Variants in RFX3 observed in about 807,000 individuals in gnomAD.
RFX3 encodes the protein transcription factor RFX3.
In RFX3, 14 loss-of-function variants were observed where a neutral mutation model predicts 98.6. That is an observed-to-expected ratio of 0.14 (90% CI 0.09 to 0.22). The LOEUF is 0.22. Ranked by LOEUF, RFX3 falls within the 10% of genes least tolerant of loss-of-function variation. RFX3 has a pLI of 1.00. For missense variants in RFX3, 639 were observed against 926.9 expected, an observed-to-expected ratio of 0.69 and a Z score of 4.03; for synonymous variants, 383 against 328.4, an observed-to-expected ratio of 1.17 and a Z score of -1.80.
intron 2 of RFX3, among the ~76,000 whole-genome samples, chr9:3,362,730 AT>A (rs1262492214): frequency 6.6e-6 from 1 of 152,210 alleles, no homozygotes; most frequent in Non-Finnish European, 1.5e-5. Flanking sequence ...CCTTGTGACC[AT>A]CTGAGAAAGG....
chr9:3,524,632 G>A, intron 1 of RFX3: 1 of 983,644 alleles, frequency 1.0e-6, no homozygotes, highest in South Asian at 4.7e-5. Context: ...AAGCTTCCTT[G>A]TGTCCCTTCC....
intron 14 of RFX3, among the ~76,000 whole-genome samples, chr9:3,252,150 G>A (rs1168707735): frequency 6.6e-6 from 1 of 152,176 alleles, no homozygotes; most frequent in African/African-American, 2.4e-5. Context: ...CAACTAAGGA[G>A]AATGTTCATA....
chr9:3,416,812 A>C (rs1843023430), intron 1 of RFX3, among the ~76,000 whole-genome samples: 1 of 152,170 alleles, frequency 6.6e-6, no homozygotes, highest in African/African-American at 2.4e-5. Context: ...AGGCAAGAAA[A>C]CAGGAAAAAG....
At chr9:3,507,648 C>G (rs1817233471) in intron 1 of RFX3, among the ~76,000 whole-genome samples, 1 of 151,920 alleles carries the variant, frequency 6.6e-6, no homozygotes, top group African/African-American at 2.4e-5. Context: ...GGGTGCCCAA[C>G]TCTCTTATAT....
At chr9:3,329,666 A>G (rs1434793380) in intron 4 of RFX3, among the ~76,000 whole-genome samples, 4 of 152,162 alleles carry the variant, frequency 2.6e-5, no homozygotes, top group African/African-American at 9.7e-5. Context: ...TATTGATTTC[A>G]ATATGTATTA....
chr9:3,301,167 C>G (rs1290102643), intron 5 of RFX3, among the ~76,000 whole-genome samples: 1 of 151,684 alleles, frequency 6.6e-6, no homozygotes, highest in African/African-American at 2.4e-5. Flanking sequence ...ACTGGTCACG[C>G]AAGTAGACAT....
intron 4 of RFX3, among the ~76,000 whole-genome samples, chr9:3,319,417 G>A (rs146661325): frequency 2.0e-5 from 3 of 152,092 alleles, no homozygotes; most frequent in African/African-American, 7.2e-5. Flanking sequence ...TAAATAGGTA[G>A]GTAACGGACA....
intron 4 of RFX3, among the ~76,000 whole-genome samples, chr9:3,304,663 C>T (rs888308996): frequency 2.6e-5 from 4 of 151,946 alleles, no homozygotes; most frequent in Admixed American, 6.6e-5. Flanking sequence ...AAGGGTTTCC[C>T]CTTTTGCTTG....
At chr9:3,438,538 T>G (rs1845356409) in intron 1 of RFX3, among the ~76,000 whole-genome samples, 2 of 151,922 alleles carry the variant, frequency 1.3e-5, no homozygotes, top group South Asian at 4.2e-4. Context: ...TCAAAAATAA[T>G]AGTAGTAAAT....
At chr9:3,434,910 A>T (rs776579895) in intron 1 of RFX3, among the ~76,000 whole-genome samples, 6 of 152,096 alleles carry the variant, frequency 3.9e-5, no homozygotes, top group Non-Finnish European at 7.4e-5. Flanking sequence ...TATATGCTAT[A>T]GCCTATTGCT....
intron 2 of RFX3, among the ~76,000 whole-genome samples, chr9:3,349,077 T>C (rs1427774532): frequency 1.3e-5 from 2 of 152,124 alleles, no homozygotes; most frequent in Admixed American, 6.5e-5. Flanking sequence ...CACATATTTT[T>C]TGAAGGATAA....
intron 1 of RFX3, among the ~76,000 whole-genome samples, chr9:3,430,611 C>T (rs1260774126): frequency 6.6e-6 from 1 of 152,034 alleles, no homozygotes; most frequent in Non-Finnish European, 1.5e-5. Context: ...CTCCACTTGC[C>T]ATAATTGTGT....
At chr9:3,266,143 T>A in intron 12 of RFX3, 65 bp downstream of exon 12, 2 of 907,168 alleles carry the variant, frequency 2.2e-6, no homozygotes, top group Non-Finnish European at 3.5e-6. Context: ...ATAGGATAGA[T>A]GTAAAGTTCA....
Position 3,437,461 on chromosome 9 carries a change from T to A in RFX3, c.-8-41865A>T, listed in dbSNP as rs367811013. 1.6e-4 allele frequency among the ~76,000 whole-genome samples: 25 copies of A among 152,178 alleles called. No homozygotes were observed. The South Asian group carries it at 5.2e-3, about 32-fold the overall frequency. On this transcript the variant is annotated intron_variant, in intron 1 of 16. Coordinates refer to ENST00000617270, the MANE Select transcript of RFX3 (RefSeq NM_001282116.2). The stretch of plus-strand genomic sequence containing the variant: ...CAGAATGAACAAGAATACCCTGATT[T>A]ATATAGCTTCTAGAAACTAGAGGTG...
rs1186718317 is a variant in RFX3, at chr9:3,239,025, A to G, written c.1968+9007T>C. Among the ~76,000 whole-genome samples, 2 of 152,054 alleles carry G rather than the reference A, an allele frequency of 1.3e-5. 1 individual carries two copies. The highest frequency in any genetic ancestry group is 3.8e-4 in the East Asian group (2 of 5,198). ...GAAAAAAAAAAAAAACAGAGATAAT[A>G]AAACTGATTCAAAAAAGGTAGGTAA... is the stretch of plus-strand genomic sequence containing the variant. On this transcript the variant is annotated intron_variant, in intron 15 of 16. Coordinates refer to ENST00000617270, the MANE Select transcript of RFX3 (RefSeq NM_001282116.2).
At chr9:3,283,333 A>C (rs1261656477) in intron 7 of RFX3, among the ~76,000 whole-genome samples, 1 of 151,788 alleles carries the variant, frequency 6.6e-6, no homozygotes, top group Non-Finnish European at 1.5e-5. Flanking sequence ...AGTTATTAAA[A>C]AAATTTTCAG....
At chr9:3,342,681 T>G (rs1228859276) in intron 3 of RFX3, among the ~76,000 whole-genome samples, 1 of 152,098 alleles carries the variant, frequency 6.6e-6, no homozygotes, top group South Asian at 2.1e-4. Context: ...AAAAAAAAAC[T>G]TCTTAGCTAC....
Position 3,271,163 on chromosome 9 carries a change from C to T in RFX3, c.1087-45G>A, listed in dbSNP as rs374746608. The stretch of plus-strand genomic sequence containing the variant: ...CAGTATTACCTTACAATATTATTTA[C>T]GGGACTGTGTGAGGACAGTCTAACA... On this transcript the variant is annotated intron_variant, in intron 9 of 16. Transcript: ENST00000617270. 80 of 1,537,672 alleles carry T rather than the reference C, an allele frequency of 5.2e-5. No individual in the cohort carries two copies. In the African/African-American group the frequency reaches 7.9e-4, roughly 15 times the overall value.
chr9:3,330,225 G>C (rs1379326562), intron 4 of RFX3, 34 bp downstream of exon 4: 1 of 1,609,688 alleles, frequency 6.2e-7, no homozygotes, highest in Non-Finnish European at 8.5e-7. Context: ...ACTATTAAAA[G>C]CTAAACTAAA....
Sources: gnomAD v4.1 joint callset for allele counts (sites outside exome capture counted in the v4.1 genomes callset) on GRCh38, gnomAD v4.1.1 for gene constraint, MANE v1.5 for transcripts, NCBI Gene and HGNC (gene_info 2026-07-23, HGNC 2026-07-21) for gene names.